ATP9B: variants seen among roughly 807,000 people sequenced by gnomAD.
The protein encoded by ATP9B is ATPase phospholipid transporting 9B, also known as probable phospholipid-transporting ATPase IIB.
ATP9B carries 110 observed loss-of-function variants against 146.1 expected under a neutral mutation model. The observed-to-expected ratio is 0.75, with a 90% confidence interval of 0.65 to 0.88. The LOEUF is 0.88. Ranked by LOEUF, ATP9B falls within the 40% of genes least tolerant of loss-of-function variation. ATP9B has a pLI of 0.00. For synonymous variants in ATP9B, 604 were observed against 569.7 expected (o/e 1.06, Z -0.86); for missense variants, 1,499 against 1,496.4 (o/e 1.00, Z -0.03).
chr18:79,177,505 A>C (rs2095191695), intron 8 of ATP9B, among the ~76,000 whole-genome samples: 1 of 152,042 alleles, frequency 6.6e-6, no homozygotes, highest in African/African-American at 2.4e-5. Flanking sequence ...GGTCTTTCAA[A>C]GTGCTGGGAT....
At position 79,342,731 on chromosome 18, in the gene ATP9B, A is replaced by C. The variant is rs2096866260; in HGVS notation, c.2382+365A>C. Among the ~76,000 whole-genome samples, 4 of 152,300 alleles carry C rather than the reference A, an allele frequency of 2.6e-5. No homozygotes were observed. The South Asian group carries it at 6.2e-4, about 24-fold the overall frequency. ...AGAAGTATTTTTTGCTTATACTATT[A>C]GTATTATTTGCTATTTTAAAAGAGG... On this transcript the variant is annotated intron_variant, in intron 20 of 29. Coordinates refer to ENST00000426216, the MANE Select transcript of ATP9B (RefSeq NM_198531.5).
At chr18:79,292,096 T>G (rs1372145555) in intron 13 of ATP9B, among the ~76,000 whole-genome samples, 2 of 152,252 alleles carry the variant, frequency 1.3e-5, no homozygotes, top group East Asian at 3.8e-4. Flanking sequence ...CAAATAATAT[T>G]CCATCGTGTG....
At chr18:79,072,595 G>A (rs1341264238) in intron 1 of ATP9B, among the ~76,000 whole-genome samples, 4 of 151,892 alleles carry the variant, frequency 2.6e-5, no homozygotes, top group South Asian at 2.1e-4. Context: ...TTCTTTTCCC[G>A]ACATTTCCCC....
intron 6 of ATP9B, chr18:79,144,067 CAT>C (rs1315617649): frequency 4.1e-5 from 15 of 366,304 alleles, no homozygotes; most frequent in Middle Eastern, 7.5e-4. Context: ...CAGGCAAAGT[CAT>C]ATTTTTTCTG....
intron 11 of ATP9B, among the ~76,000 whole-genome samples, chr18:79,233,755 C>CT (rs1362597216): frequency 6.6e-6 from 1 of 152,216 alleles, no homozygotes; most frequent in African/African-American, 2.4e-5. Flanking sequence ...AGTTTTGACT[C>CT]TCCCCAAATT....
rs1219169875 is a variant in ATP9B at position 79,329,330 on chromosome 18, A to G, written c.1935+28A>G. On this transcript the variant is annotated intron_variant, in intron 16 of 29. Transcript: ENST00000426216. ...GAGGCTGCGGGGAGGGTGCCACGCG[A>G]TGGCTTCAGACATTTTGTTTTCACA... The G allele has an allele frequency of 3.7e-5, 58 of 1,551,920 alleles. No homozygotes were observed. In the Admixed American group the frequency reaches 1.1e-3, roughly 30 times the overall value.
chr18:79,096,329 C>G, intron 1 of ATP9B, 147 bp from the exon 2 acceptor site: 2 of 727,894 alleles, frequency 2.7e-6, no homozygotes, highest in Non-Finnish European at 4.4e-6. Flanking sequence ...TATTCCTTTG[C>G]AAAAGAAAGC....
chr18:79,337,319 C>G lies in ATP9B; in HGVS notation c.2153C>G (p.Ser718Cys). 6.2e-7 allele frequency: 1 copy of G among 1,614,070 alleles called. No individual in the cohort carries two copies. Among genetic ancestry groups the G allele is most frequent in the Non-Finnish European group, 8.5e-7 (1 of 1,180,024 alleles). Residue 718 changes from serine to cysteine, a missense_variant, in exon 19 of 30, where the codon TCC (serine) becomes TGC (cysteine). By Grantham distance (112) the Ser-to-Cys change is moderately radical. Coordinates refer to ENST00000426216, the MANE Select transcript of ATP9B (RefSeq NM_198531.5). Reference sequence around the variant, plus strand: ...GCCAAGCTGAGCATGCACGACAGGTCCCTCAAGGTGGCCGCGGTAGTCGAG... The same window carrying G: ...GCCAAGCTGAGCATGCACGACAGGTGCCTCAAGGTGGCCGCGGTAGTCGAG... Reference protein sequence around the residue: ...TQAKLSMHDRSLKVAAVVESL... With the variant: ...TQAKLSMHDRCLKVAAVVESL...
intron 8 of ATP9B, among the ~76,000 whole-genome samples, chr18:79,182,846 C>T (rs1307061129): frequency 3.3e-5 from 5 of 152,202 alleles, no homozygotes; most frequent in East Asian, 1.9e-4. Context: ...CCCTGCAGAG[C>T]CTGGATGCCG....
intron 17 of ATP9B, among the ~76,000 whole-genome samples, chr18:79,333,997 A>C (rs2096805663): frequency 6.6e-6 from 1 of 152,232 alleles, no homozygotes; most frequent in Non-Finnish European, 1.5e-5. Context: ...CTTCCAGAGC[A>C]CAGAGAAGCC....
At position 79,325,141 on chromosome 18, in the gene ATP9B, C is replaced by T. The variant is rs574339498; in HGVS notation, c.1774-4000C>T. 3.3e-5 allele frequency among the ~76,000 whole-genome samples: 5 copies of T among 152,292 alleles called. No individual in the cohort carries two copies. In the Middle Eastern group the frequency reaches 0.01, roughly 311 times the overall value. On this transcript the variant is annotated intron_variant, in intron 15 of 29. Transcript: ENST00000426216. ...CGGAGGACACAGGTCGTTTGTGTGA[C>T]GCATTCTTTCCTCCCCAGTCTAGAG... is the stretch of plus-strand genomic sequence containing the variant.
intron 8 of ATP9B, among the ~76,000 whole-genome samples, chr18:79,190,376 A>G (rs1600299670): frequency 1.3e-5 from 2 of 152,174 alleles, no homozygotes; most frequent in African/African-American, 4.8e-5. Context: ...AAAGTTTTCT[A>G]ACAGATTTAT....
chr18:79,076,757 C>T (rs693054), intron 1 of ATP9B, among the ~76,000 whole-genome samples: 20,909 of 152,082 alleles, frequency 0.14, 2,058 homozygotes, highest in African/African-American at 0.28. Flanking sequence ...ACTCTCCGTC[C>T]CTTCTTTTAC....
intron 26 of ATP9B, chr18:79,372,462 G>C: frequency 2.4e-6 from 1 of 410,948 alleles, no homozygotes; most frequent in Non-Finnish European, 4.8e-6. Flanking sequence ...AGAAGTATTT[G>C]TTGACAAGAA....
intron 15 of ATP9B, among the ~76,000 whole-genome samples, chr18:79,328,108 G>C (rs554473015): frequency 4.8e-5 from 7 of 146,040 alleles, no homozygotes; most frequent in Admixed American, 1.4e-4. Context: ...CGTGCTCTCT[G>C]TGGTTAGCGT....
At chr18:79,182,882 C>T (rs1026266854) in intron 8 of ATP9B, among the ~76,000 whole-genome samples, 4 of 152,206 alleles carry the variant, frequency 2.6e-5, no homozygotes, top group African/African-American at 9.6e-5. Context: ...TTAGATGTTC[C>T]TGCCCTCTCT....
chr18:79,277,170 T>C lies in ATP9B; in HGVS notation c.1385T>C (p.Leu462Pro). 1.2e-6 allele frequency: 2 copies of C among 1,614,242 alleles called. No homozygotes were observed. The highest frequency in any genetic ancestry group is 1.6e-4 in the Middle Eastern group (1 of 6,062). Residue 462 changes from leucine (L) to proline (P), a missense_variant, in exon 13 of 30, where the codon CTG (leucine) becomes CCG (proline). Coordinates refer to ENST00000426216, the MANE Select transcript of ATP9B (RefSeq NM_198531.5). ...ACTATCCCAGAGGAACTTGGGCGCC[T>C]GGTGTATTTATTGACAGACAAAACA... ...TSTIPEELGR[L>P]VYLLTDKTGT...
intron 9 of ATP9B, among the ~76,000 whole-genome samples, chr18:79,203,773 A>G (rs2095510068): frequency 6.6e-6 from 1 of 152,174 alleles, no homozygotes; most frequent in South Asian, 2.1e-4. Context: ...CAACGCTGGA[A>G]CCTCTAGACC....
intron 8 of ATP9B, among the ~76,000 whole-genome samples, chr18:79,180,236 G>A (rs2095234588): frequency 6.6e-6 from 1 of 152,038 alleles, no homozygotes; most frequent in Admixed American, 6.6e-5. Context: ...TACATTTACA[G>A]TAATCGTTAA....
Sources: allele counts gnomAD v4.1 joint callset (sites outside exome capture counted in the v4.1 genomes callset), GRCh38; gene constraint gnomAD v4.1.1; transcripts MANE v1.5; gene names NCBI Gene and HGNC (gene_info 2026-07-23, HGNC 2026-07-21).